Variants in BPIFB4 observed in about 807,000 individuals in gnomAD.
BPIFB4 encodes the protein BPI fold containing family B member 4.
Under a neutral mutation model 69.2 loss-of-function variants are expected in BPIFB4, and 62 were observed. That is an observed-to-expected ratio of 0.90 (90% CI 0.73 to 1.11). BPIFB4 has a LOEUF of 1.11. BPIFB4 is among the 50% of genes least tolerant of loss of function. The pLI is 0.00. For missense variants in BPIFB4, 789 were observed against 792.0 expected (o/e 1.00, Z 0.04); for synonymous variants, 330 against 332.7 (o/e 0.99, Z 0.09).
At chr20:33,101,593 G>T (rs1278845421) in intron 14 of BPIFB4, among the ~76,000 whole-genome samples, 2 of 152,066 alleles carry the variant, frequency 1.3e-5, no homozygotes, top group African/African-American at 2.4e-5. Flanking sequence ...TCGCTCTGTT[G>T]CCCAGGCTAG....
intron 13 of BPIFB4, 27 bp from the exon 14 acceptor site, chr20:33,100,399 C>T (rs369799461): frequency 2.1e-5 from 33 of 1,551,722 alleles, no homozygotes; most frequent in Admixed American, 6.7e-5. Context: ...AAGGCAGTGA[C>T]GTCTTTCTCC....
intron 11 of BPIFB4, among the ~76,000 whole-genome samples, chr20:33,093,550 C>T (rs1600558142): frequency 1.0e-5 from 1 of 97,272 alleles, no homozygotes; most frequent in East Asian, 2.6e-4. Flanking sequence ...ACCCACCCAT[C>T]CTTCCATCAA....
chr20:33,085,097 G>A, intron 6 of BPIFB4, 101 bp downstream of exon 6: 1 of 1,504,966 alleles, frequency 6.6e-7, no homozygotes, highest in Non-Finnish European at 8.9e-7. Context: ...GCCAGTGCAT[G>A]CCCACAGACT....
chr20:33,094,719 G>A (rs1981708165), intron 11 of BPIFB4, among the ~76,000 whole-genome samples: 1 of 152,062 alleles, frequency 6.6e-6, no homozygotes, highest in Non-Finnish European at 1.5e-5. Context: ...TGTTGGCCAG[G>A]CTGGTCTCAA....
At position 33,107,815 on chromosome 20, in the gene BPIFB4, T is replaced by C. The variant is rs753567388; in HGVS notation, c.1816T>C (p.Leu606=). 1 of 1,613,788 alleles carries C rather than the reference T, an allele frequency of 6.2e-7. No homozygotes were observed. Residue 606 remains leucine (L), a synonymous_variant, in exon 17 of 18, where the codon TTG becomes CTG. Transcript: ENST00000375483. ...IDFSNADIDV[L]EDLLVLSA is the part of the protein sequence containing the mutation. Reference sequence around the variant, plus strand: ...CTTTAGCAATGCAGACATTGACGTGTTGGAGGTAAGAGGAGATCGAGCTCC... The same window carrying C: ...CTTTAGCAATGCAGACATTGACGTGCTGGAGGTAAGAGGAGATCGAGCTCC...
Position 33,092,456 on chromosome 20 carries a change from A to C in BPIFB4, c.1144-2A>C. ...TGACCCCTTTCTTCTCTTCTCCCCC[A>C]GACGCTGGTTGGGGAGGCTGGAGGA... is the stretch of plus-strand genomic sequence containing the variant. On this transcript the variant is annotated splice_acceptor_variant, in intron 10 of 17. Coordinates refer to ENST00000375483, the MANE Select transcript of BPIFB4 (RefSeq NM_182519.3). LOFTEE classifies it high-confidence loss of function. 6.2e-7 allele frequency: 1 copy of C among 1,612,058 alleles called. No homozygotes were observed. Among genetic ancestry groups the C allele is most frequent in the Admixed American group, 1.7e-5 (1 of 59,974 alleles).
intron 5 of BPIFB4, among the ~76,000 whole-genome samples, chr20:33,084,102 C>T (rs914520809): frequency 6.6e-6 from 1 of 152,148 alleles, no homozygotes; most frequent in Non-Finnish European, 1.5e-5. Context: ...TTGCGTGTGA[C>T]TTTGGGCCAT....
intron 7 of BPIFB4, among the ~76,000 whole-genome samples, chr20:33,088,053 G>A (rs1033670792): frequency 6.6e-6 from 1 of 152,120 alleles, no homozygotes; most frequent in Admixed American, 6.5e-5. Context: ...TTTGGTGTAG[G>A]ATGATCATGT....
In BPIFB4 at chr20:33,103,614, C is replaced by T. The variant is rs571425804; in HGVS notation, c.1680+600C>T. ...CCCACCTAAGGCTTCAGAAACACTC[C>T]TTCCTCCCCACCCCCCCACCTCCGC... On this transcript the variant is annotated intron_variant, in intron 15 of 17. Coordinates refer to ENST00000375483, the MANE Select transcript of BPIFB4 (RefSeq NM_182519.3). 3.9e-4 allele frequency among the ~76,000 whole-genome samples: 51 copies of T among 129,960 alleles called. No individual in the cohort carries two copies. In the Middle Eastern group the frequency reaches 0.013, roughly 32 times the overall value. 85.3% of individuals were successfully genotyped at this position (129,960 alleles called of 152,430 possible).
intron 13 of BPIFB4, among the ~76,000 whole-genome samples, chr20:33,098,500 T>C (rs544402782): frequency 4.6e-5 from 7 of 152,242 alleles, no homozygotes; most frequent in African/African-American, 1.4e-4. Flanking sequence ...AACCCAGCTC[T>C]TTGAGAGGCT....
intron 5 of BPIFB4, 59 bp from the exon 6 acceptor site, chr20:33,084,833 C>A: frequency 1.9e-6 from 3 of 1,570,094 alleles, no homozygotes; most frequent in South Asian, 1.2e-5. Flanking sequence ...GGAGGGCGCT[C>A]GGGTGAGTGG....
rs1055779332 is a variant in BPIFB4, at chr20:33,104,237, C to A, written c.1681-573C>A. On this transcript the variant is annotated intron_variant, in intron 15 of 17. Transcript: ENST00000375483. ...TCACTCCTGTTTTCAGATGTGGAAACCAAGGCTTAGAGAAGTTAAGGGAGG... is the reference window on the plus strand; with the variant it reads ...TCACTCCTGTTTTCAGATGTGGAAAACAAGGCTTAGAGAAGTTAAGGGAGG... 2.0e-5 allele frequency among the ~76,000 whole-genome samples: 3 copies of A among 152,282 alleles called. No individual in the cohort carries two copies. The South Asian group carries it at 6.2e-4, about 32-fold the overall frequency.
chr20:33,095,070 A>T, intron 11 of BPIFB4, 30 bp from the exon 12 acceptor site: 2 of 1,584,428 alleles, frequency 1.3e-6, no homozygotes, highest in Non-Finnish European at 1.7e-6. Flanking sequence ...AGCCTCCAGG[A>T]TTCACGTGGC....
intron 5 of BPIFB4, 141 bp downstream of exon 5, chr20:33,084,015 T>C: frequency 2.0e-6 from 2 of 1,025,216 alleles, no homozygotes; most frequent in Non-Finnish European, 2.8e-6. Flanking sequence ...TTGGAAGTTT[T>C]AAGACCCCCA....
chr20:33,103,192 C>A (rs988917153), intron 15 of BPIFB4, among the ~76,000 whole-genome samples, 178 bp downstream of exon 15: 2 of 152,166 alleles, frequency 1.3e-5, no homozygotes, highest in African/African-American at 4.8e-5. Context: ...AAACTGAGGC[C>A]CACAAGGCAA....
chr20:33,096,542 TG>T (rs1981759765), intron 12 of BPIFB4, among the ~76,000 whole-genome samples: 1 of 152,344 alleles, frequency 6.6e-6, no homozygotes, highest in African/African-American at 2.4e-5. Context: ...CCCAAAGTGC[TG>T]GGAGTACAGG....
chr20:33,096,752 G>A (rs921406745), intron 12 of BPIFB4, among the ~76,000 whole-genome samples: 1 of 152,198 alleles, frequency 6.6e-6, no homozygotes, highest in Non-Finnish European at 1.5e-5. Context: ...GCAGCAGGGG[G>A]GATTCAGGCT....
chr20:33,093,960 G>C (rs534037383), intron 11 of BPIFB4, among the ~76,000 whole-genome samples: 1 of 152,254 alleles, frequency 6.6e-6, no homozygotes, highest in East Asian at 1.9e-4. Flanking sequence ...CTGTCTCCCT[G>C]TCTGTCTATC....
At chr20:33,109,913 G>T (rs1982187924) in intron 17 of BPIFB4, among the ~76,000 whole-genome samples, 1 of 152,050 alleles carries the variant, frequency 6.6e-6, no homozygotes. Context: ...TTATTATATA[G>T]GTCTAGCCAT....
Sources: gnomAD v4.1 joint callset for allele counts (sites outside exome capture counted in the v4.1 genomes callset) on GRCh38, gnomAD v4.1.1 for gene constraint, MANE v1.5 for transcripts, NCBI Gene and HGNC (gene_info 2026-07-23, HGNC 2026-07-21) for gene names.